The following PCDHA4 variants were observed in gnomAD, a reference collection of about 807,000 sequenced individuals.
The protein encoded by PCDHA4 is protocadherin alpha 4.
A neutral mutation model predicts 61.4 loss-of-function variants in PCDHA4; 49 were observed. That is an observed-to-expected ratio of 0.80 (90% CI 0.63 to 1.01). The LOEUF is 1.01. Among genes scored for constraint, PCDHA4 ranks in the 50% least tolerant of loss-of-function variants. The probability of loss-of-function intolerance (pLI) is 0.00; values close to 1 mark genes in which losing one functional copy is unlikely to be tolerated. For missense variants in PCDHA4, 1,254 were observed against 1,235.8 expected, an observed-to-expected ratio of 1.01 and a Z score of -0.22; for synonymous variants, 590 against 550.3, an observed-to-expected ratio of 1.07 and a Z score of -1.01.
chr5:140,836,864 T>C (rs1774785013), intron 1 of PCDHA4: 1 of 755,194 alleles, frequency 1.3e-6, no homozygotes, highest in Non-Finnish European at 2.1e-6. Context: ...TTTTTAATGT[T>C]ATGCTGTATT....
At chr5:140,883,376 G>C in intron 1 of PCDHA4, 1 of 1,614,116 alleles carries the variant, frequency 6.2e-7, no homozygotes, top group Non-Finnish European at 8.5e-7. Context: ...CGCCATTATT[G>C]CCCTAATCAG....
At chr5:140,830,423 C>G (rs782793834) in intron 1 of PCDHA4, 1 of 1,613,982 alleles carries the variant, frequency 6.2e-7, no homozygotes, top group East Asian at 2.2e-5. Context: ...CAGCCTTTCA[C>G]CTTGTCCTAT....
chr5:140,935,736 A>G (rs2090532745), intron 1 of PCDHA4, among the ~76,000 whole-genome samples: 1 of 152,190 alleles, frequency 6.6e-6, no homozygotes, highest in Admixed American at 6.5e-5. Flanking sequence ...TCTAGTATCT[A>G]TTATTCCATA....
intron 1 of PCDHA4, chr5:140,967,384 G>A (rs1422023127): frequency 2.5e-6 from 4 of 1,609,080 alleles, no homozygotes; most frequent in Non-Finnish European, 3.4e-6. Flanking sequence ...ACAGTAAAGT[G>A]CTTGAGCTGG....
At chr5:140,834,489 C>T (rs141682483) in intron 1 of PCDHA4, 4 of 1,614,000 alleles carry the variant, frequency 2.5e-6, no homozygotes, top group Admixed American at 1.7e-5. Context: ...CTACTCGGTC[C>T]CCGAGGAGGC....
chr5:140,848,969 C>G (rs2150427245), intron 1 of PCDHA4: 31 of 1,604,278 alleles, frequency 1.9e-5, no homozygotes, highest in Non-Finnish European at 2.6e-5. Context: ...AGGGCGCGTC[C>G]GATGCAGATA....
chr5:140,946,163 T>C (rs1345991689), intron 1 of PCDHA4, among the ~76,000 whole-genome samples: 1 of 151,884 alleles, frequency 6.6e-6, no homozygotes, highest in African/African-American at 2.4e-5. Flanking sequence ...ATTTAAAAGA[T>C]GGGTAAAGGA....
intron 1 of PCDHA4, among the ~76,000 whole-genome samples, chr5:140,924,896 AAAAAAAAAATAAAATAAAAT>A (rs1488372568): frequency 0.024 from 1,693 of 69,132 alleles, 31 homozygotes; most frequent in African/African-American, 0.08. Context: ...ACCTGTCTCA[AAAAAAAAAATAAAATAAAAT>A]AAAATAAAAT....
chr5:140,969,276 G>T, intron 1 of PCDHA4: 1 of 1,614,202 alleles, frequency 6.2e-7, no homozygotes, highest in Non-Finnish European at 8.5e-7. Context: ...GGCCAAAGTG[G>T]TCAGAATGCT....
rs148357054 is a variant in PCDHA4, at chr5:140,862,194, A to G, written c.2385+52622A>G. On this transcript the variant is annotated intron_variant, in intron 1 of 3. Coordinates refer to ENST00000530339, the MANE Select transcript of PCDHA4 (RefSeq NM_018907.4). ...GGCAGTTGACACAGGCAATTCCCCA[A>G]TGTTTGATCACTGCACAGACTTGAT... The G allele has an allele frequency of 5.4e-3, 909 of 167,816 alleles. 8 individuals are homozygous for G. The highest frequency in any genetic ancestry group is 8.4e-3 in the South Asian group (55 of 6,516). The allele number at this position is 167,816 out of a possible 1,614,324, so 10.4% of individuals were successfully genotyped here.
chr5:140,871,015 G>T (rs1554164977), intron 1 of PCDHA4: 4 of 1,613,124 alleles, frequency 2.5e-6, no homozygotes, highest in East Asian at 4.5e-5. Flanking sequence ...TGCCCTGGAC[G>T]AGGCAGACTC....
intron 1 of PCDHA4, chr5:140,854,248 G>A (rs781986027): frequency 3.2e-6 from 2 of 634,534 alleles, no homozygotes; most frequent in Non-Finnish European, 3.9e-6. Context: ...GTTATCACTT[G>A]GTATAAAATG....
chr5:140,856,041 A>T lies in PCDHA4; in HGVS notation c.2385+46469A>T, dbSNP rs797043647. Reference sequence around the variant, plus strand: ...ATTCGTCGATTTGTAAAACAAGAGAAGGATAAGATGGTTTCCAGATGTAGC... The same window carrying T: ...ATTCGTCGATTTGTAAAACAAGAGATGGATAAGATGGTTTCCAGATGTAGC... On this transcript the variant is annotated intron_variant, in intron 1 of 3. Coordinates refer to ENST00000530339, the MANE Select transcript of PCDHA4 (RefSeq NM_018907.4). 1.9e-6 allele frequency: 3 copies of T among 1,569,530 alleles called. No individual in the cohort carries two copies. The African/African-American group carries it at 4.1e-5, about 21-fold the overall frequency.
chr5:140,919,915 A>G (rs1306747919), intron 1 of PCDHA4, among the ~76,000 whole-genome samples: 1 of 152,202 alleles, frequency 6.6e-6, no homozygotes, highest in Non-Finnish European at 1.5e-5. Context: ...AAATTACCCT[A>G]AATTTTCAGG....
chr5:140,864,192 T>A (rs528891456), intron 1 of PCDHA4: 1 of 152,324 alleles, frequency 6.6e-6, no homozygotes, highest in Admixed American at 6.5e-5. Flanking sequence ...TAATGATCCT[T>A]ATGAGAAGGT....
At chr5:140,956,740 C>T in intron 1 of PCDHA4, among the ~76,000 whole-genome samples, 1 of 152,122 alleles carries the variant, frequency 6.6e-6, no homozygotes, top group East Asian at 1.9e-4. Context: ...CCTCTTTGTA[C>T]CTCTGATAGA....
intron 1 of PCDHA4, chr5:140,834,636 T>A: frequency 1.9e-6 from 3 of 1,614,182 alleles, no homozygotes; most frequent in Non-Finnish European, 2.5e-6. Context: ...TGGCATTTTG[T>A]TTGTGAATTC....
chr5:140,948,943 A>G (rs2094326850), intron 1 of PCDHA4, among the ~76,000 whole-genome samples: 1 of 71,272 alleles, frequency 1.4e-5, no homozygotes, highest in African/African-American at 4.3e-5. Context: ...CTTCTAATAT[A>G]AAAAAATTAA....
intron 1 of PCDHA4, chr5:140,857,128 AGAT>A: frequency 6.3e-7 from 1 of 1,598,286 alleles, no homozygotes; most frequent in South Asian, 1.1e-5. Flanking sequence ...CAGTGAAAGA[AGAT>A]GCTCAAGTGG....
Sources: gnomAD v4.1 joint callset for allele counts (sites outside exome capture counted in the v4.1 genomes callset) on GRCh38, gnomAD v4.1.1 for gene constraint, MANE v1.5 for transcripts, NCBI Gene and HGNC (gene_info 2026-07-23, HGNC 2026-07-21) for gene names.